Variants in KLRG1 observed in about 807,000 individuals in gnomAD.
The protein encoded by KLRG1 is killer cell lectin-like receptor subfamily G member 1.
In KLRG1, 16 loss-of-function variants were observed where a neutral mutation model predicts 21.8. The observed-to-expected ratio is 0.73, with a 90% CI of 0.50 to 1.11. KLRG1 has a LOEUF of 1.11. Among genes scored for constraint, KLRG1 ranks in the 50% most tolerant of loss-of-function variants. The pLI is 0.00. For missense variants in KLRG1, 173 were observed against 218.3 expected, an observed-to-expected ratio of 0.79 and a Z score of 1.31; for synonymous variants, 69 against 75.9, an observed-to-expected ratio of 0.91 and a Z score of 0.47.
chr12:9,197,865 A>T, the KLRG1 span, among the ~76,000 whole-genome samples: 3 of 119,888 alleles, frequency 2.5e-5, no homozygotes, highest in African/African-American at 3.3e-5. Flanking sequence ...AATTATATAT[A>T]ATATATAATA....
At chr12:9,177,681 A>G in the KLRG1 span, among the ~76,000 whole-genome samples, 1 of 152,226 alleles carries the variant, frequency 6.6e-6, no homozygotes, top group Non-Finnish European at 1.5e-5. Flanking sequence ...TTCTATTATT[A>G]TTCAAAGCGA....
chr12:9,168,568 G>A, the KLRG1 span: 2 of 258,240 alleles, frequency 7.7e-6, no homozygotes, highest in Non-Finnish European at 1.5e-5. Context: ...TGTCTTTCCT[G>A]TTTCCATAAT....
the KLRG1 span, among the ~76,000 whole-genome samples, chr12:9,189,641 G>C: frequency 6.6e-6 from 1 of 152,118 alleles, no homozygotes; most frequent in African/African-American, 2.4e-5. Flanking sequence ...ATTGACAAAT[G>C]GGATCTAATT....
the KLRG1 span, among the ~76,000 whole-genome samples, chr12:9,176,993 C>T: frequency 3.3e-5 from 5 of 152,108 alleles, no homozygotes; most frequent in African/African-American, 1.2e-4. Flanking sequence ...GAGAGAGGAT[C>T]GAGTATATTT....
chr12:8,952,822 A>G (rs1214622972), intron 1 of KLRG1, among the ~76,000 whole-genome samples: 1 of 152,224 alleles, frequency 6.6e-6, no homozygotes, highest in East Asian at 1.9e-4. Context: ...TCACGTTTCA[A>G]TAGATGCTAT....
chr12:9,189,748 A>G, the KLRG1 span, among the ~76,000 whole-genome samples: 1 of 152,228 alleles, frequency 6.6e-6, no homozygotes, highest in African/African-American at 2.4e-5. Context: ...TGCATCCAAT[A>G]AAGGTCTAAT....
chr12:9,070,748 G>A, the KLRG1 span, among the ~76,000 whole-genome samples: 2 of 152,142 alleles, frequency 1.3e-5, no homozygotes, highest in Admixed American at 1.3e-4. Context: ...TAGGAAGCCT[G>A]TTAAAGCCAC....
chr12:9,028,315 C>A, the KLRG1 span, among the ~76,000 whole-genome samples: 1 of 151,732 alleles, frequency 6.6e-6, no homozygotes, highest in African/African-American at 2.4e-5. Flanking sequence ...CCAGGCCTGG[C>A]TAATTTTTGT....
At chr12:8,959,257 G>T (rs1011233538) in intron 1 of KLRG1, among the ~76,000 whole-genome samples, 1 of 152,168 alleles carries the variant, frequency 6.6e-6, no homozygotes, top group Non-Finnish European at 1.5e-5. Context: ...TGTATCTGGG[G>T]TCGCAAGATT....
the KLRG1 span, among the ~76,000 whole-genome samples, chr12:9,123,661 A>G: frequency 6.8e-6 from 1 of 146,100 alleles, no homozygotes; most frequent in Non-Finnish European, 1.5e-5. Flanking sequence ...ACAGAAAGTG[A>G]AGCTGCAGAT....
chr12:9,036,654 C>G, the KLRG1 span: 1 of 214,084 alleles, frequency 4.7e-6, no homozygotes, highest in Admixed American at 5.9e-5. Flanking sequence ...CCACCTTTGT[C>G]AAGGTTTGAA....
the KLRG1 span, among the ~76,000 whole-genome samples, chr12:9,086,181 G>A: frequency 6.6e-6 from 1 of 151,826 alleles, no homozygotes; most frequent in African/African-American, 2.4e-5. Flanking sequence ...GTCATAAAAA[G>A]ACATTACAAA....
At chr12:9,075,451 A>C in the KLRG1 span, among the ~76,000 whole-genome samples, 1 of 152,212 alleles carries the variant, frequency 6.6e-6, no homozygotes, top group Admixed American at 6.5e-5. Flanking sequence ...AAACATAAAA[A>C]AAATCCATGA....
chr12:9,153,514 T>C, the KLRG1 span, among the ~76,000 whole-genome samples: 2 of 152,242 alleles, frequency 1.3e-5, no homozygotes, highest in South Asian at 4.1e-4. Flanking sequence ...ATCAAAATCA[T>C]GCTGCAGTTT....
the KLRG1 span, chr12:9,208,155 A>G: frequency 2.6e-6 from 2 of 783,302 alleles, no homozygotes; most frequent in East Asian, 2.6e-5. Flanking sequence ...TTTGGAAGGT[A>G]TTGTAATGAG....
At chr12:9,023,586 C>T in the KLRG1 span, among the ~76,000 whole-genome samples, 3 of 148,994 alleles carry the variant, frequency 2.0e-5, no homozygotes, top group African/African-American at 7.4e-5. Context: ...AAGAGATGGT[C>T]TTGCTCTATC....
chr12:9,009,138 A>T, intron 4 of KLRG1, 63 bp downstream of exon 4: 1 of 1,256,238 alleles, frequency 8.0e-7, no homozygotes, highest in Non-Finnish European at 1.1e-6. Context: ...AAATTATGAT[A>T]CTTGGGGAAT....
the KLRG1 span, among the ~76,000 whole-genome samples, chr12:9,078,805 A>G: frequency 6.6e-6 from 1 of 152,202 alleles, no homozygotes; most frequent in Non-Finnish European, 1.5e-5. Context: ...AGGGATTTAA[A>G]AAAATGTTTT....
At chr12:9,045,665 T>A in the KLRG1 span, among the ~76,000 whole-genome samples, 1 of 152,064 alleles carries the variant, frequency 6.6e-6, no homozygotes, top group Admixed American at 6.6e-5. Flanking sequence ...GCAGAGAGAC[T>A]GAAACTCTAA....
Sources: gnomAD v4.1 joint callset for allele counts (sites outside exome capture counted in the v4.1 genomes callset) on GRCh38, gnomAD v4.1.1 for gene constraint, MANE v1.5 for transcripts, NCBI Gene and HGNC (gene_info 2026-07-23, HGNC 2026-07-21) for gene names.